Variants in CCDC88A observed in about 807,000 individuals in gnomAD.
CCDC88A encodes girdin.
Under a neutral mutation model 234.3 loss-of-function variants are expected in CCDC88A, and 54 were observed. The ratio of observed to expected loss-of-function variants is 0.23; its 90% CI spans 0.19 to 0.29. The LOEUF (loss-of-function observed/expected upper bound fraction) is 0.29, where lower values mean the gene tolerates loss of function less well. Among genes scored for constraint, CCDC88A ranks in the 10% least tolerant of loss-of-function variants. CCDC88A has a pLI of 1.00. For missense variants in CCDC88A, 1,832 were observed against 2,123.4 expected (o/e 0.86, Z 2.70); for synonymous variants, 753 against 737.8 (o/e 1.02, Z -0.33).
intron 3 of CCDC88A, among the ~76,000 whole-genome samples, chr2:55,384,114 G>T (rs756100380): frequency 2.6e-5 from 4 of 152,066 alleles, no homozygotes; most frequent in Non-Finnish European, 5.9e-5. Context: ...CGGAAGGATT[G>T]CTTGAGCCCA....
chr2:55,317,861 T>G lies in CCDC88A; in HGVS notation c.3325-20A>C. On this transcript the variant is annotated intron_variant, in intron 19 of 32. Coordinates refer to ENST00000436346, the MANE Select transcript of CCDC88A (RefSeq NM_001365480.1). The surrounding 1 kb of genome is among the most constrained non-coding windows in gnomAD (Gnocchi z 4.2). The stretch of plus-strand genomic sequence containing the variant: ...TTCAACCTATAAGAATATATATTGT[T>G]ATCAGACATAAGAAAAACAGTTCAT... 6.7e-7 allele frequency: 1 copy of G among 1,496,056 alleles called. No homozygotes were observed. The highest frequency in any genetic ancestry group is 9.1e-7 in the Non-Finnish European group (1 of 1,101,580). 92.7% of individuals were successfully genotyped at this position (1,496,056 alleles called of 1,614,324 possible).
intron 5 of CCDC88A, among the ~76,000 whole-genome samples, chr2:55,366,576 C>CACACA (rs1259326128): frequency 7.2e-6 from 1 of 139,564 alleles, no homozygotes; most frequent in African/African-American, 2.8e-5. Context: ...CACACACACA[C>CACACA]AAGATATGAT....
Position 55,317,285 on chromosome 2 carries a change from G to C in CCDC88A, c.3667C>G (p.Gln1223Glu), listed in dbSNP as rs1475361207. 2 of 1,552,060 alleles carry C rather than the reference G, an allele frequency of 1.3e-6. No homozygotes were observed. The highest frequency in any genetic ancestry group is 1.7e-6 in the Non-Finnish European group (2 of 1,145,278). Residue 1223 changes from glutamine to glutamate, a missense_variant, in exon 21 of 33, where the codon CAG (glutamine) becomes GAG (glutamate). By Grantham distance (29) the Gln-to-Glu change is conservative. Transcript: ENST00000436346. The surrounding 1 kb of genome is among the most constrained non-coding windows in gnomAD (Gnocchi z 4.2). ...TTATTTTCAAGCAGCATTTTTTCCT[G>C]TTCTACTTTGAGCATTTTTTCCAAA... ...EDLEKMLKVE[Q>E]EKMLLENKNH...
In CCDC88A at chr2:55,364,027, T is replaced by G; in HGVS notation, c.409A>C (p.Lys137Gln). 2.7e-6 allele frequency: 4 copies of G among 1,507,962 alleles called. No homozygotes were observed. The highest frequency in any genetic ancestry group is 2.7e-6 in the Non-Finnish European group (3 of 1,092,162). The allele number at this position is 1,507,962 out of a possible 1,614,324, so 93.4% of individuals were successfully genotyped here. Residue 137 changes from lysine (K) to glutamine (Q), a missense_variant, in exon 6 of 33, where the codon AAA becomes CAA. By Grantham distance (53) the Lys-to-Gln change is moderately conservative. Around this residue, in one of 6 missense-constraint regions of CCDC88A, gnomAD observed 3 missense variants for 18.8 expected, o/e 0.16. Coordinates refer to ENST00000436346, the MANE Select transcript of CCDC88A (RefSeq NM_001365480.1). The part of the protein sequence containing the change: ...LLLGCAVQCQ[K>Q]KEEFIERIQG... ...ATTCTTTCAATAAATTCCTCTTTTT[T>G]CTGACACTAAAATAAATGAATAAAA... is the stretch of plus-strand genomic sequence containing the variant.
rs747263381 is a variant in CCDC88A at position 55,296,287 on chromosome 2, C to T, written c.5062G>A (p.Glu1688Lys). Residue 1688 changes from glutamate to lysine, a missense_variant, in exon 30 of 33, where the codon GAA (glutamate) becomes AAA (lysine). Physicochemically the swap from Glu to Lys is moderately conservative, Grantham distance 56. This residue lies in a region of CCDC88A where 422 missense variants were observed against 416.5 expected (regional missense o/e 1.01). Coordinates refer to ENST00000436346, the MANE Select transcript of CCDC88A (RefSeq NM_001365480.1). Reference sequence around the variant, plus strand: ...ACTGAGGTAAGCTTATTGCTTTCTTCCAAAAACTGTTGTAGAGTAACAACT... The same window carrying T: ...ACTGAGGTAAGCTTATTGCTTTCTTTCAAAAACTGTTGTAGAGTAACAACT... ...SEVVTLQQFL[E>K]ESNKLTSVQI... 6.2e-7 allele frequency: 1 copy of T among 1,614,102 alleles called. No individual in the cohort carries two copies. Among genetic ancestry groups the T allele is most frequent in the South Asian group, 1.1e-5 (1 of 91,086 alleles).
At chr2:55,391,587 A>C (rs1225917116) in intron 2 of CCDC88A, among the ~76,000 whole-genome samples, 1 of 152,200 alleles carries the variant, frequency 6.6e-6, no homozygotes, top group Non-Finnish European at 1.5e-5. Context: ...GAAAAACTCA[A>C]ATGGGACTTC....
chr2:55,296,717 AT>A, intron 29 of CCDC88A, 194 bp from the exon 30 acceptor site: 2 of 601,634 alleles, frequency 3.3e-6, no homozygotes, highest in South Asian at 4.3e-5. Context: ...CTGCTTCCTT[AT>A]TTTGTCAAAC....
chr2:55,409,689 C>T (rs1422976363), intron 2 of CCDC88A, among the ~76,000 whole-genome samples: 1 of 150,258 alleles, frequency 6.7e-6, no homozygotes, highest in African/African-American at 2.5e-5. Flanking sequence ...CACATGCTTC[C>T]ACTGGGAGAG....
Position 55,384,592 on chromosome 2 carries a change from C to CGTATATATGCGT in CCDC88A, c.273+4185_273+4186insACGCATATATAC, listed in dbSNP as rs1558788505. On this transcript the variant is annotated intron_variant, in intron 3 of 32. Transcript: ENST00000436346. ...ATACGTATATATGTGTATATATACACATATATACGTATATATGTGTATATA... is the reference window on the plus strand; with the variant it reads ...ATACGTATATATGTGTATATATACACGTATATATGCGTATATATACGTATATATGTGTATATA... Among the ~76,000 whole-genome samples, 4 of 76,228 alleles carry CGTATATATGCGT rather than the reference C, an allele frequency of 5.2e-5. 2 individuals are homozygous for CGTATATATGCGT. The highest frequency in any genetic ancestry group is 2.2e-4 in the African/African-American group (4 of 17,912). 50.0% of individuals were successfully genotyped at this position (76,228 alleles called of 152,430 possible).
intron 5 of CCDC88A, among the ~76,000 whole-genome samples, chr2:55,366,675 ATCT>A (rs1376546258): frequency 1.5e-4 from 23 of 152,090 alleles, no homozygotes; most frequent in Admixed American, 1.5e-3. Context: ...AAAGTTGTAC[ATCT>A]TCTACCAGAG....
rs144545640 is a variant in CCDC88A at position 55,368,799 on chromosome 2, T to C, written c.402+3653A>G. Among the ~76,000 whole-genome samples, 1,006 of 152,354 alleles carry C rather than the reference T, an allele frequency of 6.6e-3. 9 individuals carry two copies. Among genetic ancestry groups the C allele is most frequent in the Non-Finnish European group, 0.01 (713 of 68,032 alleles). On this transcript the variant is annotated intron_variant, in intron 5 of 32. Transcript: ENST00000436346. ...CTATTTACATATTAGAATTTTAATC[T>C]GTTCAACTATAAGATGAACAAATTT... is the stretch of plus-strand genomic sequence containing the variant.
chr2:55,339,384 A>C (rs1252048402), intron 13 of CCDC88A, 80 bp downstream of exon 13: 7 of 1,190,812 alleles, frequency 5.9e-6, no homozygotes, highest in Admixed American at 3.0e-5. Flanking sequence ...TGCATTTAAA[A>C]AGTGGAAAAT....
At chr2:55,365,754 T>C (rs910587813) in intron 5 of CCDC88A, among the ~76,000 whole-genome samples, 2 of 152,168 alleles carry the variant, frequency 1.3e-5, no homozygotes, top group South Asian at 2.1e-4. Flanking sequence ...ATAAATTTCA[T>C]AGGCTTTTGA....
chr2:55,319,891 T>G (rs537635970), intron 18 of CCDC88A, among the ~76,000 whole-genome samples: 2 of 152,300 alleles, frequency 1.3e-5, no homozygotes, highest in East Asian at 1.9e-4. Context: ...TGGTCTACCC[T>G]GCAGTATGCA....
chr2:55,296,173 CA>C (rs5831349), intron 30 of CCDC88A, 84 bp downstream of exon 30: 387 of 1,389,622 alleles, frequency 2.8e-4, no homozygotes, highest in South Asian at 1.6e-3. Flanking sequence ...CTTAACTTAC[CA>C]AAAAAAAAAA....
intron 2 of CCDC88A, chr2:55,406,099 A>C (rs1165198585): frequency 6.6e-6 from 1 of 151,358 alleles, no homozygotes; most frequent in Admixed American, 6.6e-5. Context: ...TGGAGGTTGC[A>C]GTGAGCCAAG....
chr2:55,369,456 T>G (rs891218476), intron 5 of CCDC88A, among the ~76,000 whole-genome samples: 1 of 149,654 alleles, frequency 6.7e-6, no homozygotes, highest in Non-Finnish European at 1.5e-5. Flanking sequence ...ACACTTTTTT[T>G]TTTTTTTTTT....
Position 55,328,647 on chromosome 2 carries a change from C to G in CCDC88A, c.2856-212G>C, listed in dbSNP as rs1684543214. On this transcript the variant is annotated intron_variant, in intron 16 of 32. Coordinates refer to ENST00000436346, the MANE Select transcript of CCDC88A (RefSeq NM_001365480.1). The surrounding 1 kb of genome is among the most constrained non-coding windows in gnomAD (Gnocchi z 4.3). ...CAACAAAATCATTGAGTGAACAGAG[C>G]TCCGGATTATGGCTTAGATTATCAA... 1 of 361,676 alleles carries G rather than the reference C, an allele frequency of 2.8e-6. No homozygotes were observed. Among genetic ancestry groups the G allele is most frequent in the Non-Finnish European group, 4.9e-6 (1 of 206,174 alleles). 22.4% of individuals were successfully genotyped at this position (361,676 alleles called of 1,614,324 possible). A position where few individuals can be genotyped will look rare whatever the true frequency, so the allele number is the denominator to read the frequency against.
Position 55,355,626 on chromosome 2 carries a change from C to G in CCDC88A, c.753G>C (p.Val251=), listed in dbSNP as rs1463530687. 1.2e-6 allele frequency: 2 copies of G among 1,613,936 alleles called. No homozygotes were observed. Among genetic ancestry groups the G allele is most frequent in the Non-Finnish European group, 1.7e-6 (2 of 1,179,946 alleles). Residue 251 remains valine (V), a synonymous_variant, in exon 8 of 33, where the codon GTG becomes GTC. Coordinates refer to ENST00000436346, the MANE Select transcript of CCDC88A (RefSeq NM_001365480.1). ...KRTESRQHLS[V]ELADAKAKIR... is the part of the protein sequence containing the mutation. ...TCTTGGCTTTAGCATCTGCCAGTTC[C>G]ACCGACAGATGTTGTCGACTTTCTG...
Sources: gnomAD v4.1 joint callset for allele counts (sites outside exome capture counted in the v4.1 genomes callset) on GRCh38, gnomAD v4.1.1 for gene constraint, gnomAD v4.1.1 regional missense constraint, Gnocchi (gnomAD v3.1) non-coding constraint, MANE v1.5 for transcripts, NCBI Gene and HGNC (gene_info 2026-07-23, HGNC 2026-07-21) for gene names.